SLC8A1: variants seen among roughly 807,000 people sequenced by gnomAD.
SLC8A1 encodes the protein sodium/calcium exchanger 1.
A neutral mutation model predicts 68.3 loss-of-function variants in SLC8A1; 18 were observed. The ratio of observed to expected loss-of-function variants is 0.26; its 90% CI spans 0.18 to 0.39. SLC8A1 has a LOEUF of 0.39. Ranked by LOEUF, SLC8A1 falls within the 10% of genes least tolerant of loss-of-function variation. SLC8A1 has a pLI of 1.00. For missense variants in SLC8A1, 985 were observed against 1,156.7 expected (o/e 0.85, Z 2.15); for synonymous variants, 475 against 415.5 (o/e 1.14, Z -1.74).
intron 1 of SLC8A1, among the ~76,000 whole-genome samples, chr2:40,441,393 T>C: frequency 1.0e-5 from 1 of 95,596 alleles, no homozygotes; most frequent in Admixed American, 1.2e-4. Context: ...TTCATAGAAT[T>C]AGAAAAAAAA....
intron 2 of SLC8A1, among the ~76,000 whole-genome samples, chr2:40,338,906 A>G (rs1666855879): frequency 6.6e-6 from 1 of 152,192 alleles, no homozygotes; most frequent in East Asian, 1.9e-4. Flanking sequence ...TAAAAATCAG[A>G]AATTAAAATT....
intron 4 of SLC8A1, among the ~76,000 whole-genome samples, chr2:40,165,534 G>A (rs1460260208): frequency 6.6e-6 from 1 of 152,158 alleles, no homozygotes; most frequent in South Asian, 2.1e-4. Flanking sequence ...AAGTTAAACA[G>A]CAAAACATCC....
At chr2:40,360,966 G>A (rs1289370631) in intron 2 of SLC8A1, among the ~76,000 whole-genome samples, 1 of 152,124 alleles carries the variant, frequency 6.6e-6, no homozygotes, top group Admixed American at 6.6e-5. Context: ...AAAAGAGCCT[G>A]TAGATCTCGT....
At chr2:40,492,351 G>A (rs1181532439) in intron 1 of SLC8A1, among the ~76,000 whole-genome samples, 1 of 152,056 alleles carries the variant, frequency 6.6e-6, no homozygotes, top group Non-Finnish European at 1.5e-5. Context: ...ACTCAAGATG[G>A]ATTAAAGACT....
At chr2:40,350,767 G>A (rs1207520265) in intron 2 of SLC8A1, among the ~76,000 whole-genome samples, 1 of 151,988 alleles carries the variant, frequency 6.6e-6, no homozygotes, top group African/African-American at 2.4e-5. Context: ...ACTAATCTAT[G>A]GAGTATAAGC....
At chr2:40,367,336 C>T (rs763846669) in intron 2 of SLC8A1, among the ~76,000 whole-genome samples, 2 of 152,028 alleles carry the variant, frequency 1.3e-5, no homozygotes, top group Admixed American at 6.6e-5. Flanking sequence ...CTGACACTGA[C>T]TGACTGACAC....
intron 2 of SLC8A1, among the ~76,000 whole-genome samples, chr2:40,276,529 T>A (rs1244162619): frequency 1.3e-5 from 2 of 152,216 alleles, no homozygotes; most frequent in African/African-American, 4.8e-5. Context: ...TCCTTCTTCA[T>A]GGAAACTACA....
At chr2:40,485,232 T>C (rs1704885956) in intron 1 of SLC8A1, among the ~76,000 whole-genome samples, 1 of 152,168 alleles carries the variant, frequency 6.6e-6, no homozygotes, top group South Asian at 2.1e-4. Flanking sequence ...TATATCAAAT[T>C]AATGTGATTA....
At position 40,129,276 on chromosome 2, in the gene SLC8A1, G is replaced by A. The variant is rs965929876; in HGVS notation, c.2437+10125C>T. Reference sequence around the variant, plus strand: ...AGACAGTGTCACACTCTGTCACTGAGGCTGAGTGTGATGGCATGATCATGG... The same window carrying A: ...AGACAGTGTCACACTCTGTCACTGAAGCTGAGTGTGATGGCATGATCATGG... On this transcript the variant is annotated intron_variant, in intron 7 of 7. Transcript: ENST00000406785. Among the ~76,000 whole-genome samples, 7 of 151,012 alleles carry A rather than the reference G, an allele frequency of 4.6e-5. No homozygotes were observed. The South Asian group carries it at 1.0e-3, about 23-fold the overall frequency.
At chr2:40,385,194 C>T (rs924059385) in intron 2 of SLC8A1, among the ~76,000 whole-genome samples, 1 of 151,934 alleles carries the variant, frequency 6.6e-6, no homozygotes, top group African/African-American at 2.4e-5. Flanking sequence ...ATGTTCTTAA[C>T]TGTTTCTGCA....
chr2:40,146,038 A>G (rs1284966106), intron 6 of SLC8A1, among the ~76,000 whole-genome samples: 4 of 152,158 alleles, frequency 2.6e-5, no homozygotes, highest in African/African-American at 7.2e-5. Flanking sequence ...AGTACTTAAC[A>G]TATTCTCTGA....
At chr2:40,314,163 G>A (rs765951703) in intron 2 of SLC8A1, among the ~76,000 whole-genome samples, 3 of 151,812 alleles carry the variant, frequency 2.0e-5, no homozygotes, top group Non-Finnish European at 2.9e-5. Context: ...AGATACATTT[G>A]GAATTTGTGC....
chr2:40,361,186 T>C (rs1293747831), intron 2 of SLC8A1, among the ~76,000 whole-genome samples: 2 of 151,950 alleles, frequency 1.3e-5, no homozygotes, highest in Admixed American at 6.6e-5. Flanking sequence ...ATGAATGGAG[T>C]TTAATGGCTA....
At chr2:40,172,591 C>T (rs2047693769) in intron 4 of SLC8A1, among the ~76,000 whole-genome samples, 1 of 151,994 alleles carries the variant, frequency 6.6e-6, no homozygotes, top group Non-Finnish European at 1.5e-5. Context: ...ACTAGGATCC[C>T]ATTACCTGAG....
chr2:40,338,555 C>A (rs1666735762), intron 2 of SLC8A1, among the ~76,000 whole-genome samples: 1 of 152,144 alleles, frequency 6.6e-6, no homozygotes, highest in Non-Finnish European at 1.5e-5. Flanking sequence ...CTGTAAACAT[C>A]CTCATATGGC....
chr2:40,211,065 A>G (rs1479818864), intron 2 of SLC8A1, among the ~76,000 whole-genome samples: 1 of 152,206 alleles, frequency 6.6e-6, no homozygotes, highest in Non-Finnish European at 1.5e-5. Flanking sequence ...CAGTCTAGAA[A>G]TAATTGTTAT....
At chr2:40,256,399 T>C (rs1012559587) in intron 2 of SLC8A1, among the ~76,000 whole-genome samples, 13 of 152,232 alleles carry the variant, frequency 8.5e-5, no homozygotes, top group Non-Finnish European at 1.6e-4. Context: ...ATGATCATTA[T>C]GATGTATACA....
intron 2 of SLC8A1, among the ~76,000 whole-genome samples, chr2:40,205,482 A>G (rs1213923368): frequency 6.6e-6 from 1 of 152,014 alleles, no homozygotes; most frequent in Non-Finnish European, 1.5e-5. Flanking sequence ...TATCCAGTCT[A>G]TCACTGACTT....
chr2:40,280,191 A>G (rs1399097631), intron 2 of SLC8A1, among the ~76,000 whole-genome samples: 3 of 151,766 alleles, frequency 2.0e-5, no homozygotes, highest in Non-Finnish European at 2.9e-5. Flanking sequence ...ATATGACTCT[A>G]AAATATGAAT....
Sources: gnomAD v4.1 joint callset for allele counts (sites outside exome capture counted in the v4.1 genomes callset) on GRCh38, gnomAD v4.1.1 for gene constraint, MANE v1.5 for transcripts, NCBI Gene and HGNC (gene_info 2026-07-23, HGNC 2026-07-21) for gene names.